Variants in PHF20 observed in about 807,000 individuals in gnomAD.
The protein encoded by PHF20 is glioma-expressed antigen 2.
A neutral mutation model predicts 113.5 loss-of-function variants in PHF20; 23 were observed. The observed-to-expected ratio is 0.20, with a 90% CI of 0.15 to 0.29. The LOEUF is 0.29. Among genes scored for constraint, PHF20 ranks in the 10% least tolerant of loss-of-function variants. PHF20 has a pLI of 1.00. For missense variants in PHF20, 943 were observed against 1,219.6 expected (o/e 0.77, Z 3.38); for synonymous variants, 434 against 457.3 (o/e 0.95, Z 0.65).
chr20:35,794,300 C>CG (rs1555916513), intron 1 of PHF20, among the ~76,000 whole-genome samples: 2 of 96,116 alleles, frequency 2.1e-5, no homozygotes, highest in African/African-American at 6.9e-5. Context: ...AACTCTGTCT[C>CG]AAAAAAAAAA....
In PHF20 at chr20:35,939,088, C is replaced by T. The variant is rs1379591872; in HGVS notation, c.2692C>T (p.Pro898Ser). 1 of 1,607,510 alleles carries T rather than the reference C, an allele frequency of 6.2e-7. No individual in the cohort carries two copies. The change falls in exon 16 of 18, where the codon CCC (proline) becomes TCC (serine). Residue 898 changes from proline to serine, a missense_variant. By Grantham distance (74) the Pro-to-Ser change is moderately conservative. Coordinates refer to ENST00000374012, the MANE Select transcript of PHF20 (RefSeq NM_016436.5). Reference sequence around the variant, plus strand: ...AGACAGGAGCAAGGGGGACAGTGACCCCAAACCCGGCTCCCCAAAGGTATG... The same window carrying T: ...AGACAGGAGCAAGGGGGACAGTGACTCCAAACCCGGCTCCCCAAAGGTATG... Reference protein sequence around the residue: ...DQDRSKGDSDPKPGSPKVKEY... With the variant: ...DQDRSKGDSDSKPGSPKVKEY...
chr20:35,858,531 T>C, intron 5 of PHF20, 150 bp downstream of exon 5: 1 of 544,658 alleles, frequency 1.8e-6, no homozygotes, highest in Admixed American at 3.7e-5. Flanking sequence ...ACACAAGTTT[T>C]CAGAAGTTGT....
chr20:35,852,949 G>A (rs558680035), intron 4 of PHF20, among the ~76,000 whole-genome samples: 31 of 149,276 alleles, frequency 2.1e-4, no homozygotes, highest in Admixed American at 1.8e-3. Flanking sequence ...CAGTCCAGGC[G>A]TGGTGGCTGA....
At chr20:35,840,438 G>T (rs1045155227) in intron 2 of PHF20, among the ~76,000 whole-genome samples, 1 of 152,118 alleles carries the variant, frequency 6.6e-6, no homozygotes, top group African/African-American at 2.4e-5. Flanking sequence ...AACCACAAAA[G>T]GATTTAACGT....
At chr20:35,794,006 A>AG (rs2041615702) in intron 1 of PHF20, among the ~76,000 whole-genome samples, 1 of 146,150 alleles carries the variant, frequency 6.8e-6, no homozygotes, top group East Asian at 2.0e-4. Context: ...AAAAAAAAAA[A>AG]AAAAAAAAAA....
rs2056144682 is a variant in PHF20, at chr20:35,949,704, A to G, written c.*2077A>G. On this transcript the variant is annotated 3_prime_UTR_variant, in exon 18 of 18. Transcript: ENST00000374012. ...TCCTGGGTCAAGGTGAATTAACCCT[A>G]TGTTGGAGCACTGGAAACCGTTATT... is the stretch of plus-strand genomic sequence containing the variant. 1 of 152,676 alleles carries G rather than the reference A, an allele frequency of 6.5e-6. No homozygotes were observed. Among genetic ancestry groups the G allele is most frequent in the African/African-American group, 2.4e-5 (1 of 41,468 alleles). The allele number at this position is 152,676 out of a possible 1,614,324, so 9.5% of individuals were successfully genotyped here.
At chr20:35,790,958 G>A (rs1032986566) in intron 1 of PHF20, among the ~76,000 whole-genome samples, 3 of 151,836 alleles carry the variant, frequency 2.0e-5, no homozygotes, top group South Asian at 2.1e-4. Flanking sequence ...TCCTGGGTTC[G>A]AGCGATTCTC....
intron 2 of PHF20, among the ~76,000 whole-genome samples, chr20:35,805,968 G>A (rs1403480060): frequency 2.6e-5 from 4 of 151,624 alleles, no homozygotes; most frequent in African/African-American, 7.3e-5. Flanking sequence ...GGGTTCAAGC[G>A]ATTCTCCTGC....
At chr20:35,814,760 C>A (rs2146889093) in intron 2 of PHF20, among the ~76,000 whole-genome samples, 1 of 143,402 alleles carries the variant, frequency 7.0e-6, no homozygotes, top group South Asian at 2.2e-4. Flanking sequence ...GTAGTCCCAG[C>A]TACTTGGGAG....
intron 2 of PHF20, among the ~76,000 whole-genome samples, chr20:35,819,452 C>G (rs1315730583): frequency 6.6e-6 from 1 of 152,156 alleles, no homozygotes; most frequent in Non-Finnish European, 1.5e-5. Flanking sequence ...CTGTTGCTTT[C>G]CTGACACTCT....
chr20:35,852,327 G>A lies in PHF20; in HGVS notation c.340+4893G>A, dbSNP rs59063072. Among the ~76,000 whole-genome samples, 475 of 152,248 alleles carry A rather than the reference G, an allele frequency of 3.1e-3. 3 individuals carry two copies. In the East Asian group the frequency reaches 0.04, roughly 13 times the overall value. On this transcript the variant is annotated intron_variant, in intron 4 of 17. Transcript: ENST00000374012. ...GTAGTGGTCTGCACTTTCTGGAGCC[G>A]GTGTTGTCTTGAGAACCATGGTTGG...
chr20:35,845,590 A>C, intron 3 of PHF20: 1 of 155,446 alleles, frequency 6.4e-6, no homozygotes. Context: ...CTGGTCTTGA[A>C]CTCCTGGCCT....
At chr20:35,778,825 G>C (rs1600717553) in intron 1 of PHF20, among the ~76,000 whole-genome samples, 1 of 151,816 alleles carries the variant, frequency 6.6e-6, no homozygotes, top group African/African-American at 2.4e-5. Flanking sequence ...TCTTGGGCTA[G>C]GTCCTACCTG....
At chr20:35,854,675 G>A (rs529654088) in intron 4 of PHF20, among the ~76,000 whole-genome samples, 31 of 152,124 alleles carry the variant, frequency 2.0e-4, no homozygotes, top group Non-Finnish European at 4.6e-4. Flanking sequence ...ATCTAAGGAC[G>A]GTCATCCCTT....
At chr20:35,912,410 C>G (rs1355717357) in intron 10 of PHF20, among the ~76,000 whole-genome samples, 1 of 152,160 alleles carries the variant, frequency 6.6e-6, no homozygotes, top group Non-Finnish European at 1.5e-5. Flanking sequence ...GGATTGACAT[C>G]TTAAGGAGTT....
intron 6 of PHF20, among the ~76,000 whole-genome samples, chr20:35,867,846 T>C (rs1413719297): frequency 6.6e-6 from 1 of 150,830 alleles, no homozygotes; most frequent in Non-Finnish European, 1.5e-5. Flanking sequence ...TCCCTCTTCC[T>C]TTCCTCCTTC....
At chr20:35,797,775 C>A (rs1328082445) in intron 1 of PHF20, among the ~76,000 whole-genome samples, 3 of 151,324 alleles carry the variant, frequency 2.0e-5, no homozygotes, top group Admixed American at 2.0e-4. Flanking sequence ...CCTCAGCCTC[C>A]TGAGTAGCTG....
intron 1 of PHF20, among the ~76,000 whole-genome samples, chr20:35,779,256 C>T (rs2041236704): frequency 6.6e-6 from 1 of 151,838 alleles, no homozygotes; most frequent in South Asian, 2.1e-4. Flanking sequence ...AGGCTGGTCT[C>T]GAACTCCTGA....
chr20:35,915,494 CT>C (rs1334665123), intron 12 of PHF20, among the ~76,000 whole-genome samples: 1 of 152,010 alleles, frequency 6.6e-6, no homozygotes, highest in African/African-American at 2.4e-5. Context: ...TCAAGCAATT[CT>C]CCTGTCTCAA....
Sources: allele counts gnomAD v4.1 joint callset (sites outside exome capture counted in the v4.1 genomes callset), GRCh38; gene constraint gnomAD v4.1.1; transcripts MANE v1.5; gene names NCBI Gene and HGNC (gene_info 2026-07-23, HGNC 2026-07-21).